VGLL4: variants seen among roughly 807,000 people sequenced by gnomAD.
VGLL4 encodes the protein transcription cofactor vestigial-like protein 4.
Under a neutral mutation model 21.0 loss-of-function variants are expected in VGLL4, and 7 were observed. That is an observed-to-expected ratio of 0.33 (90% CI 0.19 to 0.63). The LOEUF (loss-of-function observed/expected upper bound fraction) is 0.63. Ranked by LOEUF, VGLL4 falls within the 20% of genes least tolerant of loss-of-function variation. The probability of loss-of-function intolerance (pLI) is 0.78; values close to 1 mark genes in which losing one functional copy is unlikely to be tolerated. For missense variants in VGLL4, 394 were observed against 425.7 expected (o/e 0.93, Z 0.66); for synonymous variants, 222 against 173.2 (o/e 1.28, Z -2.21).
chr3:11,704,338 G>C (rs1462676942), intron 1 of VGLL4, among the ~76,000 whole-genome samples: 4 of 135,504 alleles, frequency 3.0e-5, no homozygotes, highest in Non-Finnish European at 6.1e-5. Flanking sequence ...AGCCGAGATC[G>C]AGCCATTGCA....
intron 3 of VGLL4, among the ~76,000 whole-genome samples, chr3:11,562,589 G>A (rs987860243): frequency 6.6e-6 from 1 of 152,258 alleles, no homozygotes; most frequent in African/African-American, 2.4e-5. Context: ...CAACGTGGCT[G>A]CTTGGTGTCC....
At chr3:11,595,701 T>A (rs558087131) in intron 2 of VGLL4, among the ~76,000 whole-genome samples, 1 of 151,730 alleles carries the variant, frequency 6.6e-6, no homozygotes, top group African/African-American at 2.4e-5. Flanking sequence ...ATGGATGAAA[T>A]TGGAAATCAT....
At chr3:11,644,537 T>TC (rs2075757269), upstream of VGLL4, among the ~76,000 whole-genome samples, 1 of 152,144 alleles carries the variant, frequency 6.6e-6, no homozygotes, top group Admixed American at 6.5e-5. Flanking sequence ...AAGTGTTTTT[T>TC]CCCACCTAAT....
intron 2 of VGLL4, among the ~76,000 whole-genome samples, chr3:11,580,687 T>A (rs2074199092): frequency 6.6e-6 from 1 of 152,222 alleles, no homozygotes; most frequent in African/African-American, 2.4e-5. Context: ...ACTGAAATTG[T>A]AAGCCTTTGT....
intron 2 of VGLL4, among the ~76,000 whole-genome samples, chr3:11,581,353 C>T (rs2074219411): frequency 6.6e-6 from 1 of 152,174 alleles, no homozygotes; most frequent in Non-Finnish European, 1.5e-5. Context: ...AGACGTGAGC[C>T]ACCGTGCCCA....
chr3:11,614,272 A>G (rs1575454759), intron 1 of VGLL4, among the ~76,000 whole-genome samples: 1 of 152,302 alleles, frequency 6.6e-6, no homozygotes, highest in Middle Eastern at 3.4e-3. Context: ...GGTGCCATCT[A>G]CCTGGGCTGA....
At chr3:11,703,405 G>C (rs952724505) in intron 1 of VGLL4, among the ~76,000 whole-genome samples, 11 of 152,224 alleles carry the variant, frequency 7.2e-5, no homozygotes, top group African/African-American at 2.7e-4. Flanking sequence ...AACAACGGCT[G>C]CTCTATGAAC....
At chr3:11,614,643 A>G (rs542636625) in intron 1 of VGLL4, among the ~76,000 whole-genome samples, 1 of 152,344 alleles carries the variant, frequency 6.6e-6, no homozygotes, top group East Asian at 1.9e-4. Flanking sequence ...AACTCACTGT[A>G]TTCCTTACTA....
At chr3:11,610,880 C>G (rs372316835) in intron 1 of VGLL4, 2 of 152,170 alleles carry the variant, frequency 1.3e-5, no homozygotes, top group African/African-American at 4.8e-5. Context: ...ATCTATTGTT[C>G]TGACTTTTCT....
chr3:11,591,297 A>G (rs1053565500), intron 2 of VGLL4, among the ~76,000 whole-genome samples: 7 of 152,188 alleles, frequency 4.6e-5, no homozygotes, highest in East Asian at 1.9e-4. Flanking sequence ...AAGTCCTTTC[A>G]AGGTTTTCGT....
intron 2 of VGLL4, among the ~76,000 whole-genome samples, chr3:11,580,204 C>G (rs1226683173): frequency 1.3e-5 from 2 of 152,216 alleles, no homozygotes; most frequent in African/African-American, 2.4e-5. Context: ...CTGGAACTAC[C>G]ATTCTACCTT....
intron 2 of VGLL4, among the ~76,000 whole-genome samples, chr3:11,591,389 T>C (rs556163251): frequency 3.0e-4 from 46 of 152,368 alleles, no homozygotes; most frequent in Admixed American, 2.4e-3. Context: ...GAACAGCCTT[T>C]GTTCTGCTTC....
chr3:11,688,511 T>C (rs2076482286), intron 2 of VGLL4, among the ~76,000 whole-genome samples: 1 of 152,232 alleles, frequency 6.6e-6, no homozygotes, highest in Admixed American at 6.5e-5. Flanking sequence ...CATTTTTTGG[T>C]TACATGTGCA....
chr3:11,658,940 G>A (rs1220990952), intron 2 of VGLL4, among the ~76,000 whole-genome samples: 2 of 152,042 alleles, frequency 1.3e-5, no homozygotes, highest in African/African-American at 2.4e-5. Flanking sequence ...TCCAACATAG[G>A]TACCTAACAC....
chr3:11,719,819 C>T lies in VGLL4; in HGVS notation c.-14+575G>A, dbSNP rs1454625554. Among the ~76,000 whole-genome samples the T allele has an allele frequency of 6.6e-6, 1 of 152,030 alleles. No homozygotes were observed. Among genetic ancestry groups the T allele is most frequent in the Non-Finnish European group, 1.5e-5 (1 of 67,990 alleles). On this transcript the variant is annotated intron_variant, in intron 1 of 5. Transcript: ENST00000273038. This position sits in a 1 kb window ranked among gnomAD's most constrained non-coding sequence, Gnocchi z 4.0. ...TCCCCCGCCAGCTGCGCGCCCGGTG[C>T]CAGCTCGCACCTCCCGGGCCGATGC...
At chr3:11,610,272 C>G (rs1376459418) in intron 1 of VGLL4, 1 of 152,242 alleles carries the variant, frequency 6.6e-6, no homozygotes, top group Non-Finnish European at 1.5e-5. Flanking sequence ...TCAAATAATA[C>G]TTCTTTGTCT....
intron 2 of VGLL4, among the ~76,000 whole-genome samples, chr3:11,591,087 C>CAG (rs111803885): frequency 2.0e-5 from 3 of 152,246 alleles, no homozygotes; most frequent in African/African-American, 7.2e-5. Flanking sequence ...CATATGTGCC[C>CAG]AGAGCAGAAG....
At chr3:11,699,194 T>C (rs2076646317) in intron 2 of VGLL4, among the ~76,000 whole-genome samples, 1 of 152,186 alleles carries the variant, frequency 6.6e-6, no homozygotes, top group Non-Finnish European at 1.5e-5. Flanking sequence ...AGAAATCCAC[T>C]GAAAGACATC....
chr3:11,668,115 A>G (rs2076154514), intron 2 of VGLL4, among the ~76,000 whole-genome samples: 1 of 151,894 alleles, frequency 6.6e-6, no homozygotes, highest in African/African-American at 2.4e-5. Context: ...TTGGCCTCCC[A>G]AAGTGCTGGG....
Sources: gnomAD v4.1 joint callset for allele counts (sites outside exome capture counted in the v4.1 genomes callset) on GRCh38, gnomAD v4.1.1 for gene constraint, Gnocchi (gnomAD v3.1) non-coding constraint, MANE v1.5 for transcripts, NCBI Gene and HGNC (gene_info 2026-07-23, HGNC 2026-07-21) for gene names.